TUBB8: variants seen among roughly 807,000 people sequenced by gnomAD.
TUBB8 encodes the protein tubulin beta-8 chain.
A neutral mutation model predicts 33.7 loss-of-function variants in TUBB8; 25 were observed. The ratio of observed to expected loss-of-function variants is 0.74; its 90% CI spans 0.54 to 1.04. TUBB8 has a LOEUF of 1.04. Ranked by LOEUF, TUBB8 falls within the 50% of genes least tolerant of loss-of-function variation. The probability of loss-of-function intolerance (pLI) is 0.00; values close to 1 mark genes in which losing one functional copy is unlikely to be tolerated. For missense variants in TUBB8, 279 were observed against 608.0 expected (o/e 0.46, Z 5.69); for synonymous variants, 245 against 240.1 (o/e 1.02, Z -0.19).
At chr10:75,380 C>T (rs1353388321), upstream of TUBB8, among the ~76,000 whole-genome samples, 7 of 146,772 alleles carry the variant, frequency 4.8e-5, no homozygotes, top group African/African-American at 1.3e-4. Context: ...AAAGGCTGGA[C>T]GTGGTGGCTC....
chr10:51,294 A>G (rs576388690), upstream of TUBB8, among the ~76,000 whole-genome samples: 38 of 152,268 alleles, frequency 2.5e-4, no homozygotes, highest in African/African-American at 8.2e-4. Context: ...CTTTTAGTAT[A>G]GACGAGGTTT....
At chr10:61,836 T>C (rs1554740904) in intron 1 of TUBB8, among the ~76,000 whole-genome samples, 1 of 152,260 alleles carries the variant, frequency 6.6e-6, no homozygotes, top group East Asian at 1.9e-4. Context: ...CTCTTTATTA[T>C]TATATAATGA....
upstream of TUBB8, chr10:49,982 A>C (rs1834445405): frequency 6.1e-6 from 1 of 162,820 alleles, no homozygotes; most frequent in Non-Finnish European, 1.3e-5. Flanking sequence ...TCTTCTGGTA[A>C]ACATTTTTCA....
chr10:53,450 C>T (rs1443601001), upstream of TUBB8, among the ~76,000 whole-genome samples: 1 of 152,204 alleles, frequency 6.6e-6, no homozygotes, highest in African/African-American at 2.4e-5. Flanking sequence ...TTAAATAATT[C>T]TGATTTCCTG....
intron 1 of TUBB8, among the ~76,000 whole-genome samples, chr10:72,796 G>C (rs564173990): frequency 2.6e-4 from 39 of 150,858 alleles, no homozygotes; most frequent in South Asian, 8.4e-4. Context: ...AGGTTACAGC[G>C]AGCTGAGCTC....
upstream of TUBB8, among the ~76,000 whole-genome samples, chr10:74,841 C>T (rs371125007): frequency 4.7e-5 from 7 of 148,124 alleles, no homozygotes; most frequent in African/African-American, 1.7e-4. Flanking sequence ...ACCTGAGCAA[C>T]GTAAAGATCC....
At position 66,390 on chromosome 10, in the gene TUBB8, T is replaced by C. The variant is rs1250907263; in HGVS notation, c.-846+7579A>G. 2.0e-5 allele frequency among the ~76,000 whole-genome samples: 3 copies of C among 152,214 alleles called. No individual in the cohort carries two copies. In the East Asian group the frequency reaches 5.8e-4, roughly 29 times the overall value. On this transcript the variant is annotated intron_variant, in intron 1 of 3. Transcript: ENST00000564130. ...CAGGCTGGGGGTGGTGGCCCACACC[T>C]GTAATACCAGCACTTTGAGATGCTG...
chr10:59,868 G>T (rs1834575830), intron 1 of TUBB8, among the ~76,000 whole-genome samples: 1 of 152,180 alleles, frequency 6.6e-6, no homozygotes, highest in Non-Finnish European at 1.5e-5. Context: ...TAAGTTGTGT[G>T]TGTCTAAGAA....
At chr10:60,704 G>C (rs1408093793) in intron 1 of TUBB8, among the ~76,000 whole-genome samples, 18 of 152,260 alleles carry the variant, frequency 1.2e-4, no homozygotes, top group South Asian at 8.3e-4. Context: ...AATACCATTT[G>C]ACCCAGCCAT....
At chr10:68,783 C>T (rs187984034) in intron 1 of TUBB8, among the ~76,000 whole-genome samples, 2 of 152,372 alleles carry the variant, frequency 1.3e-5, no homozygotes, top group Admixed American at 6.5e-5. Flanking sequence ...TCAGGAAATA[C>T]AAGGTCTCTA....
At chr10:75,115 T>TC (rs139979952), upstream of TUBB8, among the ~76,000 whole-genome samples, 1,053 of 147,262 alleles carry the variant, frequency 7.2e-3, 10 homozygotes, top group African/African-American at 0.025. Flanking sequence ...CCTCAGGTGA[T>TC]CCCCCCACCA....
chr10:56,451 G>C (rs1463994722), intron 1 of TUBB8, among the ~76,000 whole-genome samples: 13 of 148,826 alleles, frequency 8.7e-5, no homozygotes, highest in South Asian at 2.1e-4. Context: ...GGTTTCATTG[G>C]CTCATGGTTC....
chr10:70,952 G>T (rs186266742), intron 1 of TUBB8, among the ~76,000 whole-genome samples: 220 of 152,248 alleles, frequency 1.4e-3, no homozygotes, highest in Non-Finnish European at 2.4e-3. Flanking sequence ...TCTAAAATAA[G>T]GAAAATTTAA....
chr10:57,321 T>C (rs1384477820), intron 1 of TUBB8, among the ~76,000 whole-genome samples: 4 of 152,218 alleles, frequency 2.6e-5, no homozygotes, highest in Non-Finnish European at 1.5e-5. Context: ...AGTGATCCTC[T>C]CCTCACAGGT....
chr10:48,842 T>C lies in TUBB8; in HGVS notation c.128A>G (p.Gln43Arg). The C allele has an allele frequency of 6.2e-7, 1 of 1,601,180 alleles. No individual in the cohort carries two copies. The highest frequency in any genetic ancestry group is 8.5e-7 in the Non-Finnish European group (1 of 1,174,908). Residue 43 changes from glutamine to arginine, a missense_variant, in exon 2 of 4, where the codon CAG becomes CGG. By Grantham distance (43) the Gln-to-Arg change is conservative (BLOSUM62 1). This residue lies in a region of TUBB8 where 56 missense variants were observed against 77.9 expected (regional missense o/e 0.72). Coordinates refer to ENST00000568584, the MANE Select transcript of TUBB8 (RefSeq NM_177987.3). Reference sequence around the variant, plus strand: ...GTAGTACACGTTGATGCGCTCCAGCTGCAGGTGGCTGTCCCCGTGGTAGGT... The same window carrying C: ...GTAGTACACGTTGATGCGCTCCAGCCGCAGGTGGCTGTCCCCGTGGTAGGT... ...AGTYHGDSHLQLERINVYYNE... is the reference protein window; with the variant it reads ...AGTYHGDSHLRLERINVYYNE...
Position 71,721 on chromosome 10 carries a change from G to C in TUBB8, c.-846+2248C>G, listed in dbSNP as rs371242132. 2.3e-4 allele frequency among the ~76,000 whole-genome samples: 35 copies of C among 151,250 alleles called. No homozygotes were observed. In the East Asian group the frequency reaches 4.7e-3, roughly 20 times the overall value. On this transcript the variant is annotated intron_variant, in intron 1 of 3. Transcript: ENST00000564130. ...ATGTAAGGATCACTTGAGCCCAGGA[G>C]TTAAAGACAAACCTGAGGGACATAA...
chr10:65,167 A>C (rs537953155), intron 1 of TUBB8, among the ~76,000 whole-genome samples: 3 of 152,272 alleles, frequency 2.0e-5, no homozygotes, highest in Middle Eastern at 3.4e-3. Flanking sequence ...ACTGATATTT[A>C]CTGTTGACAA....
intron 1 of TUBB8, among the ~76,000 whole-genome samples, chr10:64,975 T>TAAAAAA (rs61340461): frequency 1.9e-4 from 23 of 118,516 alleles, no homozygotes; most frequent in African/African-American, 6.3e-4. Context: ...CCATCTCCAC[T>TAAAAAA]AAAAAAAAAA....
At chr10:71,478 A>G (rs183198197) in intron 1 of TUBB8, among the ~76,000 whole-genome samples, 289 of 151,692 alleles carry the variant, frequency 1.9e-3, no homozygotes, top group African/African-American at 6.4e-3. Flanking sequence ...TACTAAAAAT[A>G]CAAAATTAGC....
Sources: gnomAD v4.1 joint callset for allele counts (sites outside exome capture counted in the v4.1 genomes callset) on GRCh38, gnomAD v4.1.1 for gene constraint, gnomAD v4.1.1 regional missense constraint, MANE v1.5 for transcripts, NCBI Gene and HGNC (gene_info 2026-07-23, HGNC 2026-07-21) for gene names.